Variants in ESRRB observed in about 807,000 individuals in gnomAD.
ESRRB encodes the protein steroid hormone receptor ERR2.
In ESRRB, 16 loss-of-function variants were observed where a neutral mutation model predicts 46.0. The observed-to-expected ratio is 0.35, with a 90% confidence interval of 0.24 to 0.53. The LOEUF (loss-of-function observed/expected upper bound fraction) is 0.53, where lower values mean the gene tolerates loss of function less well. ESRRB is among the 20% of genes least tolerant of loss of function. The pLI, the probability that ESRRB is intolerant of heterozygous loss-of-function variation, is 0.93. For missense variants in ESRRB, 488 were observed against 607.4 expected, an observed-to-expected ratio of 0.80 and a Z score of 2.07; for synonymous variants, 246 against 259.6, an observed-to-expected ratio of 0.95 and a Z score of 0.50.
At chr14:76,374,733 G>C (rs1203758481), upstream of ESRRB, among the ~76,000 whole-genome samples, 4 of 152,094 alleles carry the variant, frequency 2.6e-5, no homozygotes, top group Admixed American at 6.5e-5. Flanking sequence ...AAAATCGGGG[G>C]CTGCTGGGGG....
intron 1 of ESRRB, among the ~76,000 whole-genome samples, chr14:76,416,133 C>CTTTTTT: frequency 7.6e-6 from 1 of 131,748 alleles, no homozygotes; most frequent in Non-Finnish European, 1.6e-5. Flanking sequence ...ACCATTTTCC[C>CTTTTTT]TTTTTTTTTT....
intron 1 of ESRRB, among the ~76,000 whole-genome samples, chr14:76,402,175 T>A (rs1175003617): frequency 2.0e-5 from 3 of 152,192 alleles, no homozygotes; most frequent in Non-Finnish European, 4.4e-5. Flanking sequence ...ATTTGCTGAT[T>A]TCAATGCTAA....
chr14:76,460,235 T>C (rs1304791304), intron 2 of ESRRB, among the ~76,000 whole-genome samples: 1 of 152,218 alleles, frequency 6.6e-6, no homozygotes, highest in African/African-American at 2.4e-5. Context: ...CCTCAGCCGC[T>C]GGGTCAGCAC....
chr14:76,399,012 C>A (rs1189443323), intron 1 of ESRRB, among the ~76,000 whole-genome samples: 2 of 152,102 alleles, frequency 1.3e-5, no homozygotes, highest in Non-Finnish European at 2.9e-5. Context: ...CTGATGGAGA[C>A]CCTGAGACCC....
At position 76,439,469 on chromosome 14, in the gene ESRRB, C is replaced by G; in HGVS notation, c.179C>G (p.Ser60Cys). 6.2e-7 allele frequency: 1 copy of G among 1,612,500 alleles called. No homozygotes were observed. The highest frequency in any genetic ancestry group is 8.5e-7 in the Non-Finnish European group (1 of 1,179,756). Residue 60 changes from serine (S) to cysteine (C), a missense_variant, in exon 2 of 7, where the codon TCC (serine) becomes TGC (cysteine). Ser to Cys is a moderately radical substitution (Grantham distance 112). Transcript: ENST00000644823. ...ALSHHSPSGS[S>C]DASGGFGLAL... ...AGCCACCACAGCCCCAGTGGCTCGT[C>G]CGACGCCAGCGGCGGCTTTGGCCTG...
intron 1 of ESRRB, among the ~76,000 whole-genome samples, chr14:76,408,810 A>G (rs755035397): frequency 2.6e-5 from 4 of 152,166 alleles, no homozygotes; most frequent in Non-Finnish European, 4.4e-5. Flanking sequence ...TGAATGTTAC[A>G]AAATATATGA....
At chr14:76,473,669 T>C (rs1889461277) in intron 3 of ESRRB, among the ~76,000 whole-genome samples, 1 of 152,180 alleles carries the variant, frequency 6.6e-6, no homozygotes, top group Non-Finnish European at 1.5e-5. Flanking sequence ...CTTGTCCAGC[T>C]TAGGCAGGGA....
At chr14:76,384,457 G>A (rs915691673) in intron 1 of ESRRB, among the ~76,000 whole-genome samples, 17 of 152,130 alleles carry the variant, frequency 1.1e-4, no homozygotes, top group African/African-American at 4.1e-4. Flanking sequence ...AAGGCTGCAG[G>A]TTTGCGTGTC....
chr14:76,327,407 G>A (rs74067817), intron 1 of ESRRB, among the ~76,000 whole-genome samples: 3,325 of 152,268 alleles, frequency 0.022, 132 homozygotes, highest in African/African-American at 0.076. Context: ...AAATTCTACT[G>A]AAAGGATATT....
At chr14:76,380,777 C>T (rs74069833) in intron 1 of ESRRB, among the ~76,000 whole-genome samples, 2,905 of 152,200 alleles carry the variant, frequency 0.019, 90 homozygotes, top group African/African-American at 0.066. Context: ...GAATGTTCAA[C>T]CTCTGGGGTC....
chr14:76,491,725 G>A lies in ESRRB; in HGVS notation c.1120+9G>A, dbSNP rs377532399. On this transcript the variant is annotated intron_variant, in intron 6 of 6. Transcript: ENST00000644823. ...GGCCCTCGCCAACTCCGGTAAGGGC[G>A]GCGGCGGGGCCTGGAAGGGGAGCTT... is the stretch of plus-strand genomic sequence containing the variant. 136 of 1,567,900 alleles carry A rather than the reference G, an allele frequency of 8.7e-5. 1 individual carries two copies. The Middle Eastern group carries it at 1.3e-3, about 15-fold the overall frequency.
rs1016350476 is a variant in ESRRB, at chr14:76,352,726, T to C, written c.2+41810T>C. Among the ~76,000 whole-genome samples the C allele has an allele frequency of 2.0e-5, 3 of 152,194 alleles. No individual in the cohort carries two copies. The South Asian group carries it at 6.2e-4, about 32-fold the overall frequency. ...GGCACATGGTGAGTATTGTGTAAGT[T>C]TGATATTACTAGTGTAACTTTTCTA... On this transcript the variant is annotated intron_variant, in intron 1 of 6. Coordinates refer to the ESRRB transcript ENST00000512784.
upstream of ESRRB, among the ~76,000 whole-genome samples, chr14:76,370,089 T>G: frequency 6.6e-6 from 1 of 152,140 alleles, no homozygotes; most frequent in Admixed American, 6.5e-5. Flanking sequence ...ATCAACTATG[T>G]ATGCTCAAAT....
chr14:76,335,566 A>G (rs1374309900), intron 1 of ESRRB, among the ~76,000 whole-genome samples: 1 of 152,212 alleles, frequency 6.6e-6, no homozygotes, highest in Non-Finnish European at 1.5e-5. Context: ...CAGAGTGTAC[A>G]GTTAGGTGAA....
chr14:76,364,687 G>C (rs1884500930), intron 1 of ESRRB, among the ~76,000 whole-genome samples: 1 of 128,154 alleles, frequency 7.8e-6, no homozygotes, highest in South Asian at 2.6e-4. Context: ...GCGAGATCCT[G>C]TCTCAAAAAA....
At chr14:76,448,791 T>C (rs973034784) in intron 2 of ESRRB, among the ~76,000 whole-genome samples, 7 of 152,222 alleles carry the variant, frequency 4.6e-5, no homozygotes, top group African/African-American at 1.7e-4. Flanking sequence ...AGTTTGCATA[T>C]GTGTAAACTT....
chr14:76,419,704 CA>C (rs1313597761), intron 1 of ESRRB, among the ~76,000 whole-genome samples: 1 of 152,180 alleles, frequency 6.6e-6, no homozygotes, highest in Non-Finnish European at 1.5e-5. Flanking sequence ...TTGATCCTCA[CA>C]ATAACTCCAT....
chr14:76,381,202 G>T (rs151262843), intron 1 of ESRRB, among the ~76,000 whole-genome samples: 5 of 152,108 alleles, frequency 3.3e-5, no homozygotes, highest in African/African-American at 1.2e-4. Context: ...TCGTCCCTGC[G>T]CGGGGAGGTT....
At chr14:76,402,678 C>T (rs1257242264) in intron 1 of ESRRB, among the ~76,000 whole-genome samples, 1 of 152,102 alleles carries the variant, frequency 6.6e-6, no homozygotes, top group African/African-American at 2.4e-5. Flanking sequence ...CAAGAGAGAA[C>T]TTTCTGGGAA....
Sources: allele counts gnomAD v4.1 joint callset (sites outside exome capture counted in the v4.1 genomes callset), GRCh38; gene constraint gnomAD v4.1.1; transcripts MANE v1.5; gene names NCBI Gene and HGNC (gene_info 2026-07-23, HGNC 2026-07-21).